PNKD: variants seen among roughly 807,000 people sequenced by gnomAD.
PNKD encodes the protein PNKD metallo-beta-lactamase domain containing.
A neutral mutation model predicts 45.3 loss-of-function variants in PNKD; 36 were observed. That is an observed-to-expected ratio of 0.80 (90% CI 0.61 to 1.05). The LOEUF (loss-of-function observed/expected upper bound fraction) is 1.05. Ranked by LOEUF, PNKD falls within the 50% of genes least tolerant of loss-of-function variation. The pLI, the probability that PNKD is intolerant of heterozygous loss-of-function variation, is 0.00. For missense variants in PNKD, 511 were observed against 506.6 expected, an observed-to-expected ratio of 1.01 and a Z score of -0.08; for synonymous variants, 197 against 210.1, an observed-to-expected ratio of 0.94 and a Z score of 0.54.
At chr2:218,327,474 G>C (rs771883592) in intron 2 of PNKD, among the ~76,000 whole-genome samples, 1 of 152,088 alleles carries the variant, frequency 6.6e-6, no homozygotes, top group Non-Finnish European at 1.5e-5. Context: ...GGGCCTGTGG[G>C]ACCGTGGAGA....
At chr2:218,342,911 G>A (rs574125135) in intron 7 of PNKD, among the ~76,000 whole-genome samples, 21 of 152,304 alleles carry the variant, frequency 1.4e-4, no homozygotes, top group African/African-American at 5.1e-4. Context: ...CAAGGTTGCA[G>A]TGAGCTATGA....
At position 218,345,331 on chromosome 2, in the gene PNKD, G is replaced by T; in HGVS notation, c.*350G>T. The T allele has an allele frequency of 4.0e-6, 1 of 249,330 alleles. No homozygotes were observed. Among genetic ancestry groups the T allele is most frequent in the Non-Finnish European group, 7.8e-6 (1 of 127,934 alleles). The allele number at this position is 249,330 out of a possible 1,614,324, so 15.4% of individuals were successfully genotyped here. A position where few individuals can be genotyped will look rare whatever the true frequency, so the allele number is the denominator to read the frequency against. Reference sequence around the variant, plus strand: ...CATGGGGGCTGCTGTTAGCTTCTCCGTCAGGAGGCCTCATCTCACTGTAGC... The same window carrying T: ...CATGGGGGCTGCTGTTAGCTTCTCCTTCAGGAGGCCTCATCTCACTGTAGC... On this transcript the variant is annotated 3_prime_UTR_variant, in exon 10 of 10. Coordinates refer to ENST00000273077, the MANE Select transcript of PNKD (RefSeq NM_015488.5).
chr2:218,308,128 A>C (rs1693473593), intron 2 of PNKD, among the ~76,000 whole-genome samples: 1 of 151,944 alleles, frequency 6.6e-6, no homozygotes, highest in Non-Finnish European at 1.5e-5. Flanking sequence ...ACAAAAAAAT[A>C]ATAAACAAAT....
At chr2:218,294,236 T>C (rs1693082392) in intron 2 of PNKD, among the ~76,000 whole-genome samples, 1 of 152,192 alleles carries the variant, frequency 6.6e-6, no homozygotes, top group South Asian at 2.1e-4. Flanking sequence ...GCCCATGGAA[T>C]CTGTCCAGAT....
chr2:218,329,851 G>A (rs1048016273), intron 2 of PNKD, among the ~76,000 whole-genome samples: 1 of 152,228 alleles, frequency 6.6e-6, no homozygotes, highest in Non-Finnish European at 1.5e-5. Flanking sequence ...GGGCCTCTAA[G>A]CAGACCTCGG....
At chr2:218,339,708 C>T (rs941564100) in intron 2 of PNKD, 75 bp from the exon 3 acceptor site, 4 of 836,504 alleles carry the variant, frequency 4.8e-6, no homozygotes, top group Admixed American at 1.8e-5. Flanking sequence ...AGATGTGGGG[C>T]CTGCAGGCAT....
At chr2:218,275,291 C>T (rs749023782) in intron 2 of PNKD, 6 of 693,860 alleles carry the variant, frequency 8.6e-6, no homozygotes, top group African/African-American at 3.7e-5. Context: ...CTAGCTCCTC[C>T]GTCCCCACCA....
chr2:218,332,967 G>T (rs1694373072), intron 2 of PNKD, among the ~76,000 whole-genome samples: 1 of 152,122 alleles, frequency 6.6e-6, no homozygotes, highest in Non-Finnish European at 1.5e-5. Context: ...CTCCTGCCTT[G>T]GTGCCACATC....
rs62182086 is a variant in PNKD, at chr2:218,341,922, A to G, written c.618-59A>G. On this transcript the variant is annotated intron_variant, in intron 6 of 9. Coordinates refer to ENST00000273077, the MANE Select transcript of PNKD (RefSeq NM_015488.5). Reference sequence around the variant, plus strand: ...CCAGCCCCTTGGGCCTGGGATGGGGACAGGGATCAGCATGGCACAGATCCA... The same window carrying G: ...CCAGCCCCTTGGGCCTGGGATGGGGGCAGGGATCAGCATGGCACAGATCCA... 0.13 allele frequency: 174,247 copies of G among 1,382,778 alleles called. 12,051 individuals are homozygous for G. The highest frequency in any genetic ancestry group is 0.14 in the Non-Finnish European group (138,122 of 972,720). 85.7% of individuals were successfully genotyped at this position (1,382,778 alleles called of 1,614,324 possible). A position where few individuals can be genotyped will look rare whatever the true frequency, so the allele number is the denominator to read the frequency against.
chr2:218,275,928 A>G, intron 2 of PNKD: 1 of 1,415,274 alleles, frequency 7.1e-7, no homozygotes, highest in Non-Finnish European at 9.8e-7. Flanking sequence ...CTATGGCCCC[A>G]TTCCCTGCCT....
rs759389815 is a variant in PNKD at position 218,340,698 on chromosome 2, C to T, written c.466-30C>T. ...TTCAAGTGCCTCTTGCATCCTGCTC[C>T]CCAGTCTCCAAACCTCCTCTCTCTC... On this transcript the variant is annotated intron_variant, in intron 4 of 9. Coordinates refer to ENST00000273077, the MANE Select transcript of PNKD (RefSeq NM_015488.5). The surrounding 1 kb of genome is among the most constrained non-coding windows in gnomAD (Gnocchi z 4.2). The T allele has an allele frequency of 1.9e-6, 3 of 1,587,170 alleles. No individual in the cohort carries two copies. The highest frequency in any genetic ancestry group is 2.6e-6 in the Non-Finnish European group (3 of 1,155,596).
intron 2 of PNKD, chr2:218,279,412 G>T: frequency 6.8e-7 from 1 of 1,471,666 alleles, no homozygotes; most frequent in Non-Finnish European, 9.1e-7. Flanking sequence ...GCCCCAGGAA[G>T]CTGCCAGCCC....
At chr2:218,322,168 C>T (rs1198598267) in intron 2 of PNKD, among the ~76,000 whole-genome samples, 2 of 150,712 alleles carry the variant, frequency 1.3e-5, no homozygotes, top group African/African-American at 4.9e-5. Context: ...GTGATCCGCC[C>T]CCCTCGGCCT....
intron 2 of PNKD, among the ~76,000 whole-genome samples, chr2:218,273,134 G>A (rs892374833): frequency 2.0e-5 from 3 of 152,198 alleles, no homozygotes; most frequent in African/African-American, 7.2e-5. Context: ...CGGCCAGGAG[G>A]GTGGGGTCCC....
chr2:218,283,862 T>C (rs1692263939), intron 2 of PNKD, among the ~76,000 whole-genome samples: 1 of 152,014 alleles, frequency 6.6e-6, no homozygotes, highest in African/African-American at 2.4e-5. Flanking sequence ...AGGGCAAGAA[T>C]GTCAGGTCAG....
At chr2:218,279,115 G>A in intron 2 of PNKD, 1 of 1,613,944 alleles carries the variant, frequency 6.2e-7, no homozygotes, top group Non-Finnish European at 8.5e-7. Context: ...GAGGACAGGA[G>A]TAGTCACCCT....
chr2:218,299,106 T>C (rs930130621), intron 2 of PNKD, among the ~76,000 whole-genome samples: 1 of 152,042 alleles, frequency 6.6e-6, no homozygotes, highest in African/African-American at 2.4e-5. Context: ...CCTGTTCCTT[T>C]ATTTTATTTA....
chr2:218,282,132 G>C lies in PNKD; in HGVS notation c.236+10583G>C. Reference sequence around the variant, plus strand: ...TCTTCATATGGTGGTGGGGCGCTGGGGTTGGACATGGCTGCTCACGGGCTG... The same window carrying C: ...TCTTCATATGGTGGTGGGGCGCTGGCGTTGGACATGGCTGCTCACGGGCTG... On this transcript the variant is annotated intron_variant, in intron 2 of 9. Coordinates refer to ENST00000273077, the MANE Select transcript of PNKD (RefSeq NM_015488.5). 1 of 1,510,242 alleles carries C rather than the reference G, an allele frequency of 6.6e-7. No homozygotes were observed. The allele number at this position is 1,510,242 out of a possible 1,614,324, so 93.6% of individuals were successfully genotyped here.
chr2:218,292,525 G>A (rs752751639), intron 2 of PNKD: 1 of 152,034 alleles, frequency 6.6e-6, no homozygotes, highest in Non-Finnish European at 1.5e-5. Flanking sequence ...TCCGGGGCCG[G>A]GCAGGGCTAG....
Sources: allele counts gnomAD v4.1 joint callset (sites outside exome capture counted in the v4.1 genomes callset), GRCh38; gene constraint gnomAD v4.1.1; non-coding constraint Gnocchi (gnomAD v3.1); transcripts MANE v1.5; gene names NCBI Gene and HGNC (gene_info 2026-07-23, HGNC 2026-07-21).